Variants in NACC1 observed in about 807,000 individuals in gnomAD.
The protein encoded by NACC1 is nucleus accumbens associated 1, also known as nucleus accumbens-associated protein 1.
In NACC1, 6 loss-of-function variants were observed where a neutral mutation model predicts 41.7. The observed-to-expected ratio is 0.14, with a 90% confidence interval of 0.08 to 0.28. The LOEUF is 0.28. Among genes scored for constraint, NACC1 ranks in the 10% least tolerant of loss-of-function variants. The pLI, the probability that NACC1 is intolerant of heterozygous loss-of-function variation, is 1.00. For synonymous variants in NACC1, 338 were observed against 330.6 expected (o/e 1.02, Z -0.24); for missense variants, 434 against 763.7 (o/e 0.57, Z 5.09).
In NACC1 at chr19:13,127,400, T is replaced by TTC. The variant is rs1245933408; in HGVS notation, c.-8-7800_-8-7799insTC. ...TTTTTTTTTTTTTTTTTTTTTTTTT[T>TTC]CGGTTAACTGGATGGGCCGGGTGCC... is the stretch of plus-strand genomic sequence containing the variant. On this transcript the variant is annotated intron_variant, in intron 1 of 5. Transcript: ENST00000292431. Among the ~76,000 whole-genome samples the TTC allele has an allele frequency of 1.1e-3, 107 of 100,864 alleles. 6 individuals carry two copies. Among genetic ancestry groups the TTC allele is most frequent in the African/African-American group, 3.9e-3 (100 of 25,592 alleles). The allele number at this position is 100,864 out of a possible 152,430, so 66.2% of individuals were successfully genotyped here.
At chr19:13,126,275 C>T (rs936731495) in intron 1 of NACC1, among the ~76,000 whole-genome samples, 2 of 151,126 alleles carry the variant, frequency 1.3e-5, no homozygotes, top group Admixed American at 1.3e-4. Flanking sequence ...TATCTCCTGA[C>T]CTCGTGACCT....
chr19:13,135,190 C>T lies in NACC1; in HGVS notation c.-8-10C>T, dbSNP rs1452655562. The T allele has an allele frequency of 3.5e-5, 54 of 1,564,712 alleles. No homozygotes were observed. Among genetic ancestry groups the T allele is most frequent in the Non-Finnish European group, 4.2e-5 (49 of 1,154,220 alleles). ...CTCTGTCTCTCCATTCCTCCCTGCC[C>T]CTCGTGCAGCCGCTGCCATGGCCCA... On this transcript the variant is annotated splice_polypyrimidine_tract_variant and intron_variant, in intron 1 of 5. Transcript: ENST00000292431.
chr19:13,133,127 T>C (rs898060580), intron 1 of NACC1, among the ~76,000 whole-genome samples: 1 of 152,132 alleles, frequency 6.6e-6, no homozygotes, highest in Non-Finnish European at 1.5e-5. Context: ...AGGGAAGGTG[T>C]GCATTCCTGC....
At chr19:13,121,845 G>A (rs549138424) in intron 1 of NACC1, among the ~76,000 whole-genome samples, 2 of 152,158 alleles carry the variant, frequency 1.3e-5, no homozygotes, top group East Asian at 1.9e-4. Context: ...ATTTAAGCCC[G>A]TGGCTAGCAG....
At chr19:13,116,918 T>C (rs540389118), upstream of NACC1, 32 of 164,848 alleles carry the variant, frequency 1.9e-4, no homozygotes, top group Non-Finnish European at 2.8e-4. Flanking sequence ...GAGGAAGTTG[T>C]GGCTCAGAAA....
intron 1 of NACC1, among the ~76,000 whole-genome samples, chr19:13,134,899 A>G (rs373173597): frequency 6.6e-6 from 1 of 152,094 alleles, no homozygotes; most frequent in African/African-American, 2.4e-5. Flanking sequence ...ATATTCAGTT[A>G]CTCTTCAAGT....
intron 1 of NACC1, among the ~76,000 whole-genome samples, chr19:13,130,535 CTTTTTT>C (rs34032574): frequency 7.8e-6 from 1 of 128,618 alleles, no homozygotes; most frequent in Non-Finnish European, 1.7e-5. Flanking sequence ...TTTTTCTTTT[CTTTTTT>C]TTTTTTTTTT....
At chr19:13,122,215 T>G (rs1030544762) in intron 1 of NACC1, among the ~76,000 whole-genome samples, 2 of 152,222 alleles carry the variant, frequency 1.3e-5, no homozygotes, top group African/African-American at 4.8e-5. Context: ...TCTCAGTTCT[T>G]AGAGACCTGT....
intron 1 of NACC1, among the ~76,000 whole-genome samples, chr19:13,122,164 T>C (rs548585720): frequency 1.3e-5 from 2 of 152,312 alleles, no homozygotes; most frequent in East Asian, 1.9e-4. Context: ...GTTGTGGTCA[T>C]GTCCCTCCAG....
chr19:13,119,834 G>A (rs952829360), intron 1 of NACC1, among the ~76,000 whole-genome samples: 1 of 152,172 alleles, frequency 6.6e-6, no homozygotes, highest in East Asian at 1.9e-4. Context: ...CTCGCTGGTC[G>A]GATGAGCTCA....
intron 1 of NACC1, among the ~76,000 whole-genome samples, chr19:13,126,927 C>T (rs1351232595): frequency 1.3e-5 from 2 of 152,028 alleles, no homozygotes; most frequent in African/African-American, 4.8e-5. Flanking sequence ...GGGAAACTGA[C>T]ATGAAGCCCC....
chr19:13,138,403 G>A lies in NACC1; in HGVS notation c.1581G>A (p.Gln527=), dbSNP rs1452693779. ...CGGGTCCCTCGGCTGAAGCCCTGCA[G>A]TAACCCGCCCAGCCTCCCGCGGGGC... The part of the protein sequence containing the change: ...GEAGPSAEAL[Q] Residue 527 remains glutamine (Q), a synonymous_variant, in exon 6 of 6, where the codon CAG becomes CAA. Coordinates refer to ENST00000292431, the MANE Select transcript of NACC1 (RefSeq NM_052876.4). The surrounding 1 kb of genome is among the most constrained non-coding windows in gnomAD (Gnocchi z 5.7). The A allele has an allele frequency of 6.2e-7, 1 of 1,610,006 alleles. No individual in the cohort carries two copies. The highest frequency in any genetic ancestry group is 8.5e-7 in the Non-Finnish European group (1 of 1,179,650).
chr19:13,130,807 A>G (rs1461003776), intron 1 of NACC1, among the ~76,000 whole-genome samples: 1 of 152,000 alleles, frequency 6.6e-6, no homozygotes, highest in Non-Finnish European at 1.5e-5. Context: ...ATGTGCTGGG[A>G]TTACAGGCGT....
At position 13,135,777 on chromosome 19, in the gene NACC1, G is replaced by C. The variant is rs1487924311; in HGVS notation, c.570G>C (p.Gln190His). Residue 190 changes from glutamine (Q) to histidine (H), a missense_variant, in exon 2 of 6, where the codon CAG (glutamine) becomes CAC (histidine). Physicochemically the swap from Gln to His is conservative, Grantham distance 24. Around this residue, in one of 4 missense-constraint regions of NACC1, gnomAD observed 234 missense variants for 308.3 expected, o/e 0.76. Coordinates refer to ENST00000292431, the MANE Select transcript of NACC1 (RefSeq NM_052876.4). Reference protein sequence around the residue: ...PVAKRLWDSGQKEAGGGGNGS... With the variant: ...PVAKRLWDSGHKEAGGGGNGS... ...CCAAGCGGCTGTGGGACAGTGGCCAGAAGGAGGCTGGGGGCGGCGGCAATG... is the reference window on the plus strand; with the variant it reads ...CCAAGCGGCTGTGGGACAGTGGCCACAAGGAGGCTGGGGGCGGCGGCAATG... 6.4e-7 allele frequency: 1 copy of C among 1,559,480 alleles called. No homozygotes were observed. The highest frequency in any genetic ancestry group is 1.9e-5 in the Admixed American group (1 of 51,320).
intron 1 of NACC1, among the ~76,000 whole-genome samples, chr19:13,122,447 G>A (rs2019507832): frequency 6.7e-6 from 1 of 149,900 alleles, no homozygotes; most frequent in Non-Finnish European, 1.5e-5. Flanking sequence ...CTATACTGCT[G>A]TGATTCGCAA....
chr19:13,123,318 G>A (rs2019522571), intron 1 of NACC1, among the ~76,000 whole-genome samples: 1 of 152,188 alleles, frequency 6.6e-6, no homozygotes. Context: ...GTTGGAGTTG[G>A]TGGGGAGGGA....
At chr19:13,119,219 T>A (rs1238577134) in intron 1 of NACC1, among the ~76,000 whole-genome samples, 1 of 151,952 alleles carries the variant, frequency 6.6e-6, no homozygotes, top group Non-Finnish European at 1.5e-5. Context: ...CCAGAAGGTA[T>A]ATACTAAGAT....
intron 1 of NACC1, among the ~76,000 whole-genome samples, chr19:13,125,402 G>A (rs896545445): frequency 5.9e-4 from 84 of 141,282 alleles, no homozygotes; most frequent in Non-Finnish European, 9.0e-5. Context: ...ATCAACTCCC[G>A]AAGGCCCCAC....
chr19:13,126,315 T>C (rs1482257893), intron 1 of NACC1, among the ~76,000 whole-genome samples: 4 of 152,190 alleles, frequency 2.6e-5, no homozygotes, highest in African/African-American at 9.7e-5. Flanking sequence ...CCTCCCAAAG[T>C]GCTGGGGTTA....
Sources: allele counts gnomAD v4.1 joint callset (sites outside exome capture counted in the v4.1 genomes callset), GRCh38; gene constraint gnomAD v4.1.1; regional missense constraint gnomAD v4.1.1; non-coding constraint Gnocchi (gnomAD v3.1); transcripts MANE v1.5; gene names NCBI Gene and HGNC (gene_info 2026-07-23, HGNC 2026-07-21).